SLC4A10: variants seen among roughly 807,000 people sequenced by gnomAD.
SLC4A10 encodes solute carrier family 4 member 10.
SLC4A10 carries 42 observed loss-of-function variants against 137.7 expected under a neutral mutation model. The observed-to-expected ratio is 0.30, with a 90% CI of 0.24 to 0.39. The LOEUF is 0.39. Among genes scored for constraint, SLC4A10 ranks in the 10% least tolerant of loss-of-function variants. The pLI, the probability that SLC4A10 is intolerant of heterozygous loss-of-function variation, is 1.00. For synonymous variants in SLC4A10, 474 were observed against 464.1 expected (o/e 1.02, Z -0.27); for missense variants, 925 against 1,355.0 (o/e 0.68, Z 4.98).
rs576829316 is a variant in SLC4A10, at chr2:161,759,380, T to A, written c.49-11593T>A. Among the ~76,000 whole-genome samples, 3 of 152,048 alleles carry A rather than the reference T, an allele frequency of 2.0e-5. No individual in the cohort carries two copies. In the East Asian group the frequency reaches 5.8e-4, roughly 29 times the overall value. On this transcript the variant is annotated intron_variant, in intron 1 of 26. Coordinates refer to ENST00000446997, the MANE Select transcript of SLC4A10 (RefSeq NM_001178015.2). ...GTCTTAACAAATTTCAAGTAAACAA[T>A]ACAATATTATTAACTATAGTCATCA...
intron 1 of SLC4A10, among the ~76,000 whole-genome samples, chr2:161,753,164 A>G (rs1026702667): frequency 1.3e-5 from 2 of 152,154 alleles, no homozygotes; most frequent in African/African-American, 4.8e-5. Flanking sequence ...ATATGGCATA[A>G]AATATGAGTC....
chr2:161,766,432 G>A (rs2050803318), intron 1 of SLC4A10, among the ~76,000 whole-genome samples: 1 of 152,058 alleles, frequency 6.6e-6, no homozygotes, highest in African/African-American at 2.4e-5. Context: ...CTGCTTAGGG[G>A]AAAACATCTT....
At chr2:161,841,756 C>G (rs563945276) in intron 4 of SLC4A10, among the ~76,000 whole-genome samples, 70 of 152,182 alleles carry the variant, frequency 4.6e-4, no homozygotes, top group Non-Finnish European at 8.7e-4. Context: ...TAATAACTGC[C>G]AGTATTTAAA....
At chr2:161,678,564 C>G (rs2040509895) in intron 1 of SLC4A10, among the ~76,000 whole-genome samples, 1 of 152,142 alleles carries the variant, frequency 6.6e-6, no homozygotes, top group Non-Finnish European at 1.5e-5. Context: ...AGCCATCACT[C>G]TGATCAAGGT....
chr2:161,800,711 C>T (rs1229171748), intron 2 of SLC4A10, among the ~76,000 whole-genome samples: 1 of 151,970 alleles, frequency 6.6e-6, no homozygotes, highest in African/African-American at 2.4e-5. Flanking sequence ...GTGGGAATTA[C>T]CTGGACCTTA....
intron 2 of SLC4A10, among the ~76,000 whole-genome samples, chr2:161,773,770 A>G (rs543539035): frequency 5.9e-4 from 89 of 152,056 alleles, no homozygotes; most frequent in Admixed American, 1.6e-3. Context: ...ATTCTGCTAA[A>G]TGATATATCA....
At chr2:161,740,254 G>A (rs970480115) in intron 1 of SLC4A10, among the ~76,000 whole-genome samples, 1 of 152,086 alleles carries the variant, frequency 6.6e-6, no homozygotes, top group African/African-American at 2.4e-5. Flanking sequence ...TACTTATAGG[G>A]CACTGTAGAA....
intron 1 of SLC4A10, among the ~76,000 whole-genome samples, chr2:161,660,627 C>CTTTCCTT (rs1574175827): frequency 1.7e-5 from 1 of 59,340 alleles, no homozygotes; most frequent in African/African-American, 6.8e-5. Flanking sequence ...TTTCTTTCTT[C>CTTTCCTT]CTTTCCTTCT....
At chr2:161,633,324 A>G (rs1323021441) in intron 1 of SLC4A10, among the ~76,000 whole-genome samples, 1 of 151,772 alleles carries the variant, frequency 6.6e-6, no homozygotes, top group African/African-American at 2.4e-5. Flanking sequence ...CTTATTTTAG[A>G]TAATTTTTGT....
chr2:161,644,881 T>C (rs1233648404), intron 1 of SLC4A10, among the ~76,000 whole-genome samples: 1 of 152,182 alleles, frequency 6.6e-6, no homozygotes, highest in Admixed American at 6.5e-5. Flanking sequence ...TAAAATTTAT[T>C]TATTAAAACA....
chr2:161,937,421 T>C (rs1272394875), intron 15 of SLC4A10, among the ~76,000 whole-genome samples: 1 of 152,170 alleles, frequency 6.6e-6, no homozygotes, highest in Non-Finnish European at 1.5e-5. Context: ...TTCAACCAAA[T>C]TAACACTGTT....
At chr2:161,887,543 C>T (rs918685253) in intron 10 of SLC4A10, among the ~76,000 whole-genome samples, 1 of 152,140 alleles carries the variant, frequency 6.6e-6, no homozygotes, top group African/African-American at 2.4e-5. Context: ...TTTTGATTTG[C>T]ATTTCTCTAA....
At chr2:161,698,345 T>C (rs1050118722) in intron 1 of SLC4A10, among the ~76,000 whole-genome samples, 2 of 152,228 alleles carry the variant, frequency 1.3e-5, no homozygotes, top group Non-Finnish European at 2.9e-5. Flanking sequence ...AACACTATGT[T>C]GAATAGGAGT....
Position 161,757,667 on chromosome 2 carries a change from T to G in SLC4A10, c.49-13306T>G, listed in dbSNP as rs534077997. Among the ~76,000 whole-genome samples, 12 of 152,252 alleles carry G rather than the reference T, an allele frequency of 7.9e-5. No individual in the cohort carries two copies. The East Asian group carries it at 2.1e-3, about 27-fold the overall frequency. ...AACCTTGGCGGTCTGGTTTCAGAGC[T>G]TTTCTTACTACCACTCTACTGCCTC... On this transcript the variant is annotated intron_variant, in intron 1 of 26. Coordinates refer to ENST00000446997, the MANE Select transcript of SLC4A10 (RefSeq NM_001178015.2).
At chr2:161,670,203 A>G (rs903319358) in intron 1 of SLC4A10, among the ~76,000 whole-genome samples, 1 of 151,890 alleles carries the variant, frequency 6.6e-6, no homozygotes, top group Non-Finnish European at 1.5e-5. Context: ...TTTGCTGAGA[A>G]GGAGCCTTTT....
intron 11 of SLC4A10, among the ~76,000 whole-genome samples, chr2:161,900,229 T>G (rs1285131867): frequency 1.3e-5 from 2 of 152,098 alleles, no homozygotes; most frequent in Non-Finnish European, 2.9e-5. Context: ...TACCTGAATC[T>G]CTACTAATTT....
chr2:161,691,256 A>G (rs941876721), intron 1 of SLC4A10, among the ~76,000 whole-genome samples: 1 of 133,296 alleles, frequency 7.5e-6, no homozygotes, highest in African/African-American at 2.8e-5. Context: ...TGGCTATAAA[A>G]TTTAATATTG....
chr2:161,841,322 C>T (rs1451787167), intron 4 of SLC4A10, among the ~76,000 whole-genome samples: 1 of 152,184 alleles, frequency 6.6e-6, no homozygotes. Flanking sequence ...AAGTCCTCTA[C>T]CTGCCTCAGC....
chr2:161,745,116 C>T (rs1229722076), intron 1 of SLC4A10, among the ~76,000 whole-genome samples: 1 of 152,128 alleles, frequency 6.6e-6, no homozygotes. Flanking sequence ...TTGGAAAGTT[C>T]TCTGTTATCA....
Sources: gnomAD v4.1 joint callset for allele counts (sites outside exome capture counted in the v4.1 genomes callset) on GRCh38, gnomAD v4.1.1 for gene constraint, MANE v1.5 for transcripts, NCBI Gene and HGNC (gene_info 2026-07-23, HGNC 2026-07-21) for gene names.